The following NDUFAF6 variants were observed in gnomAD, a reference collection of about 807,000 sequenced individuals.
The protein encoded by NDUFAF6 is NADH:ubiquinone oxidoreductase complex assembly factor 6, also known as NADH dehydrogenase (ubiquinone) complex I, assembly factor 6.
In NDUFAF6, 45 loss-of-function variants were observed where a neutral mutation model predicts 40.8. That is an observed-to-expected ratio of 1.10 (90% CI 0.87 to 1.42). The LOEUF (loss-of-function observed/expected upper bound fraction) is 1.42. Ranked by LOEUF, NDUFAF6 falls within the 40% of genes most tolerant of loss-of-function variation. The pLI is 0.00. For synonymous variants in NDUFAF6, 185 were observed against 155.9 expected (o/e 1.19, Z -1.39); for missense variants, 435 against 418.5 (o/e 1.04, Z -0.34).
chr8:95,001,396 G>A (rs568380958), intron 2 of NDUFAF6, among the ~76,000 whole-genome samples: 1 of 152,060 alleles, frequency 6.6e-6, no homozygotes. Context: ...TCCCCACCTC[G>A]AGAGAGCTAG....
intron 1 of NDUFAF6, chr8:94,929,897 G>T (rs1283337501): frequency 6.5e-6 from 1 of 152,906 alleles, no homozygotes; most frequent in East Asian, 1.9e-4. Context: ...TGAACTGTAT[G>T]ACTAATCTGG....
At chr8:95,074,374 C>T (rs925620214) in intron 9 of NDUFAF6, among the ~76,000 whole-genome samples, 3 of 152,066 alleles carry the variant, frequency 2.0e-5, no homozygotes, top group African/African-American at 7.2e-5. Flanking sequence ...CTCGTGTGCT[C>T]TCATGCTTAA....
chr8:94,934,389 AT>A (rs757874716), intron 1 of NDUFAF6, among the ~76,000 whole-genome samples: 4,690 of 143,124 alleles, frequency 0.033, 194 homozygotes, highest in African/African-American at 0.11. Context: ...TATAAATTCT[AT>A]TTTTTTTTTT....
intron 2 of NDUFAF6, among the ~76,000 whole-genome samples, chr8:94,993,224 C>T (rs1479585959): frequency 1.3e-5 from 2 of 152,098 alleles, no homozygotes; most frequent in South Asian, 2.1e-4. Flanking sequence ...GGATTAGGAC[C>T]CACTCTAACA....
In NDUFAF6 at chr8:94,973,578, G is replaced by T. The variant is rs374651197; in HGVS notation, c.-198-7281G>T. On this transcript the variant is annotated intron_variant, in intron 1 of 9. Coordinates refer to the NDUFAF6 transcript ENST00000396111. The stretch of plus-strand genomic sequence containing the variant: ...AAAAAATTAGCCAGGTGTGGTGGCG[G>T]GCACCTTTAGTCCCAGCTACTCGGG... Among the ~76,000 whole-genome samples, 111 of 152,104 alleles carry T rather than the reference G, an allele frequency of 7.3e-4. 3 individuals carry two copies. In the South Asian group the frequency reaches 0.021, roughly 29 times the overall value.
At position 95,091,056 on chromosome 8, in the gene NDUFAF6, A is replaced by G. The variant is rs1222759160; in HGVS notation, n.214-10076A>G. 7.5e-5 allele frequency among the ~76,000 whole-genome samples: 9 copies of G among 120,032 alleles called. No homozygotes were observed. The South Asian group carries it at 8.6e-4, about 11-fold the overall frequency. The allele number at this position is 120,032 out of a possible 152,430, so 78.7% of individuals were successfully genotyped here. A position where few individuals can be genotyped will look rare whatever the true frequency, so the allele number is the denominator to read the frequency against. ...CATATATATATTAATAAACTCATAT[A>G]TATATATATCCTATATATCCTATTC... On this transcript the variant is annotated intron_variant and non_coding_transcript_variant, in intron 2 of 5. Coordinates refer to the NDUFAF6 transcript ENST00000523184.
chr8:95,047,804 C>T (rs1398969928), intron 6 of NDUFAF6, among the ~76,000 whole-genome samples: 13 of 151,978 alleles, frequency 8.6e-5, no homozygotes, highest in African/African-American at 1.4e-4. Context: ...CCACTGCGCC[C>T]GGCGAGAACT....
At chr8:95,086,752 C>G (rs77241156) in intron 2 of NDUFAF6, among the ~76,000 whole-genome samples, 10,592 of 152,170 alleles carry the variant, frequency 0.07, 1,150 homozygotes, top group African/African-American at 0.24. Flanking sequence ...CAGGCGCCCC[C>G]CACCACGCCC....
intron 7 of NDUFAF6, 45 bp from the exon 8 acceptor site, chr8:95,052,129 T>C (rs1563835067): frequency 6.3e-7 from 1 of 1,590,550 alleles, no homozygotes. Context: ...GGAGAGTGTT[T>C]ATTTGCTTAA....
At chr8:94,909,694 G>A (rs1310506264) in intron 1 of NDUFAF6, among the ~76,000 whole-genome samples, 1 of 151,832 alleles carries the variant, frequency 6.6e-6, no homozygotes, top group Non-Finnish European at 1.5e-5. Flanking sequence ...GGGAGGCCAA[G>A]GTGGGTGGGT....
downstream of NDUFAF6, among the ~76,000 whole-genome samples, chr8:95,105,808 G>A (rs936185360): frequency 6.6e-6 from 1 of 151,050 alleles, no homozygotes; most frequent in African/African-American, 2.4e-5. Context: ...GCCAATTTTT[G>A]TATTTTTTGT....
At chr8:95,100,167 A>T (rs977918968), upstream of NDUFAF6, among the ~76,000 whole-genome samples, 33 of 152,160 alleles carry the variant, frequency 2.2e-4, no homozygotes, top group Non-Finnish European at 5.9e-5. Context: ...CTGTGTAAGG[A>T]ATAAATGAGC....
intron 2 of NDUFAF6, among the ~76,000 whole-genome samples, chr8:95,005,526 A>AATATAT (rs760333438): frequency 0.012 from 88 of 7,270 alleles, 1 homozygote; most frequent in East Asian, 0.1. Flanking sequence ...GGTCCTTTTA[A>AATATAT]ATATATATAT....
At chr8:94,956,651 G>T (rs2131453861), upstream of NDUFAF6, among the ~76,000 whole-genome samples, 1 of 152,320 alleles carries the variant, frequency 6.6e-6, no homozygotes, top group South Asian at 2.1e-4. Flanking sequence ...CACTCGTAGT[G>T]GGTAGATGGA....
chr8:94,996,993 A>G (rs1238615825), intron 2 of NDUFAF6, among the ~76,000 whole-genome samples: 1 of 152,156 alleles, frequency 6.6e-6, no homozygotes, highest in East Asian at 1.9e-4. Context: ...GTGGTTTGTT[A>G]TGGCAGCCTG....
rs965228259 is a variant in NDUFAF6, at chr8:94,939,779, A to G, written c.-935-5704A>G. The G allele has an allele frequency of 6.5e-6, 10 of 1,543,950 alleles. No homozygotes were observed. In the African/African-American group the frequency reaches 1.4e-4, roughly 21 times the overall value. On this transcript the variant is annotated intron_variant, in intron 1 of 14. Transcript: ENST00000396113. Reference sequence around the variant, plus strand: ...AACAAAATTAGTTTTGCATCTTCTAATAACTTAGCTTTGAATTACAGTAGA... The same window carrying G: ...AACAAAATTAGTTTTGCATCTTCTAGTAACTTAGCTTTGAATTACAGTAGA...
intron 1 of NDUFAF6, among the ~76,000 whole-genome samples, chr8:94,964,290 A>G (rs1289577380): frequency 6.6e-6 from 1 of 152,076 alleles, no homozygotes; most frequent in Admixed American, 6.6e-5. Context: ...TTAGCTGGGC[A>G]TGATGGCACA....
chr8:95,026,190 G>A (rs936089667), intron 1 of NDUFAF6, among the ~76,000 whole-genome samples: 11 of 152,100 alleles, frequency 7.2e-5, no homozygotes, highest in South Asian at 2.1e-4. Context: ...TTGTGGGCCG[G>A]CCGCGGTGGC....
At chr8:94,906,555 C>G (rs554201424) in intron 1 of NDUFAF6, among the ~76,000 whole-genome samples, 1 of 152,190 alleles carries the variant, frequency 6.6e-6, no homozygotes, top group African/African-American at 2.4e-5. Flanking sequence ...CAAAGTCCTT[C>G]CCTCCACGTG....
Sources: gnomAD v4.1 joint callset for allele counts (sites outside exome capture counted in the v4.1 genomes callset) on GRCh38, gnomAD v4.1.1 for gene constraint, MANE v1.5 for transcripts, NCBI Gene and HGNC (gene_info 2026-07-23, HGNC 2026-07-21) for gene names.